The following SSBP4 variants were observed in gnomAD, a reference collection of about 807,000 sequenced individuals.
SSBP4 encodes the protein single stranded DNA binding protein 4, also known as single-stranded DNA-binding protein 4.
A neutral mutation model predicts 64.6 loss-of-function variants in SSBP4; 33 were observed. The ratio of observed to expected loss-of-function variants is 0.51; its 90% confidence interval spans 0.39 to 0.68. The LOEUF (loss-of-function observed/expected upper bound fraction) is 0.68, where lower values mean the gene tolerates loss of function less well. Among genes scored for constraint, SSBP4 ranks in the 30% least tolerant of loss-of-function variants. SSBP4 has a pLI of 0.00. For missense variants in SSBP4, 583 were observed against 566.8 expected, an observed-to-expected ratio of 1.03 and a Z score of -0.29; for synonymous variants, 243 against 224.0, an observed-to-expected ratio of 1.08 and a Z score of -0.76.
intron 1 of SSBP4, among the ~76,000 whole-genome samples, chr19:18,424,610 G>A (rs954625744): frequency 6.6e-6 from 1 of 151,930 alleles, no homozygotes; most frequent in East Asian, 1.9e-4. Context: ...ACATGGGGGT[G>A]GGGGGAGCAG....
the SSBP4 span, among the ~76,000 whole-genome samples, chr19:18,407,093 A>G: frequency 0.013 from 2,018 of 152,028 alleles, 21 homozygotes; most frequent in Middle Eastern, 0.034. Flanking sequence ...CTGAAGTGTT[A>G]GGGGCATGAA....
chr19:18,434,307 G>A lies in SSBP4; in HGVS notation c.*61G>A, dbSNP rs1187818890. The A allele has an allele frequency of 1.3e-6, 2 of 1,596,558 alleles. No homozygotes were observed. The highest frequency in any genetic ancestry group is 3.5e-5 in the Admixed American group (2 of 57,440). On this transcript the variant is annotated 3_prime_UTR_variant, in exon 18 of 18. Coordinates refer to ENST00000270061, the MANE Select transcript of SSBP4 (RefSeq NM_032627.5). ...GCTTCTGCCCAGCGCCCCTGCTCAG[G>A]GCGAGGGGCTGAGGTCACACCTCGG... is the stretch of plus-strand genomic sequence containing the variant.
chr19:18,405,500 A>C, the SSBP4 span, among the ~76,000 whole-genome samples: 1 of 147,242 alleles, frequency 6.8e-6, no homozygotes, highest in African/African-American at 2.5e-5. Flanking sequence ...GTCTCTACAA[A>C]AAAAAAAAAA....
At chr19:18,434,166 C>T (rs1315305728) in intron 17 of SSBP4, 51 bp from the exon 18 acceptor site, 48 of 1,608,572 alleles carry the variant, frequency 3.0e-5, no homozygotes, top group Non-Finnish European at 3.9e-5. Flanking sequence ...GTCCCAGCCT[C>T]TTCCGGAGCT....
the SSBP4 span, among the ~76,000 whole-genome samples, chr19:18,411,881 A>T: frequency 6.6e-6 from 1 of 152,022 alleles, no homozygotes; most frequent in African/African-American, 2.4e-5. Context: ...AGAGAGACTG[A>T]ATCTGGGCAC....
the SSBP4 span, among the ~76,000 whole-genome samples, chr19:18,413,765 G>A: frequency 1.3e-5 from 2 of 151,938 alleles, no homozygotes; most frequent in South Asian, 4.2e-4. Flanking sequence ...ACCTGTAATC[G>A]CAGCACTTTG....
chr19:18,407,507 C>T, the SSBP4 span, among the ~76,000 whole-genome samples: 3 of 152,094 alleles, frequency 2.0e-5, no homozygotes, highest in African/African-American at 4.8e-5. Context: ...AGCTCCGCCC[C>T]CCGGGTTCAC....
At chr19:18,434,102 C>G (rs1425456150) in intron 17 of SSBP4, 115 bp from the exon 18 acceptor site, 29 of 1,491,926 alleles carry the variant, frequency 1.9e-5, no homozygotes, top group African/African-American at 2.9e-5. Flanking sequence ...TGTCCCCACC[C>G]CATGTCTGCC....
chr19:18,404,249 C>T, the SSBP4 span, among the ~76,000 whole-genome samples: 1 of 151,410 alleles, frequency 6.6e-6, no homozygotes, highest in African/African-American at 2.4e-5. Context: ...TCAGAGATCC[C>T]CAGAGACCCT....
intron 4 of SSBP4, 146 bp from the exon 5 acceptor site, chr19:18,430,695 C>T (rs958727318): frequency 6.2e-6 from 4 of 646,090 alleles, no homozygotes; most frequent in African/African-American, 1.9e-5. Flanking sequence ...CACAGATCCT[C>T]AGGCCGACAA....
chr19:18,433,538 G>T, intron 15 of SSBP4, 47 bp from the exon 16 acceptor site: 1 of 1,545,652 alleles, frequency 6.5e-7, no homozygotes. Context: ...CGAGGGGCAT[G>T]GCGCCAGCAC....
rs1431200082 is a variant in SSBP4, at chr19:18,427,259, C to G, written c.60-92C>G. The stretch of plus-strand genomic sequence containing the variant: ...GCTGAGCAGCTGGTGGGGAGGCCAC[C>G]TTTCCACCCGCCCTCCTGAGAGATG... On this transcript the variant is annotated intron_variant, in intron 1 of 17. Coordinates refer to ENST00000270061, the MANE Select transcript of SSBP4 (RefSeq NM_032627.5). This position sits in a 1 kb window ranked among gnomAD's most constrained non-coding sequence, Gnocchi z 4.4. 2 of 1,401,134 alleles carry G rather than the reference C, an allele frequency of 1.4e-6. No individual in the cohort carries two copies. The highest frequency in any genetic ancestry group is 2.0e-6 in the Non-Finnish European group (2 of 1,019,214). 86.8% of individuals were successfully genotyped at this position (1,401,134 alleles called of 1,614,324 possible).
upstream of SSBP4, among the ~76,000 whole-genome samples, chr19:18,414,211 G>C (rs747644532): frequency 6.6e-6 from 1 of 152,148 alleles, no homozygotes; most frequent in African/African-American, 2.4e-5. Context: ...GAGACACCTC[G>C]AGTCTCCCAG....
In SSBP4 at chr19:18,427,967, G is replaced by A. The variant is rs777419521; in HGVS notation, c.264G>A (p.Lys88=). 13 of 1,612,150 alleles carry A rather than the reference G, an allele frequency of 8.1e-6. No homozygotes were observed. In the Admixed American group the frequency reaches 2.2e-4, roughly 27 times the overall value. The part of the protein sequence containing the change: ...REACEHSGEA[K]AFQDYSAAAA... ...CCTGCGAGCACTCCGGCGAGGCCAA[G>A]GCCTTCCAGGACTATGTGAGTCCTG... Residue 88 remains lysine (K), a synonymous_variant, in exon 4 of 18, where the codon AAG becomes AAA. Transcript: ENST00000270061. The surrounding 1 kb of genome is among the most constrained non-coding windows in gnomAD (Gnocchi z 4.4).
At chr19:18,425,637 G>C (rs1334484266) in intron 1 of SSBP4, among the ~76,000 whole-genome samples, 1 of 152,160 alleles carries the variant, frequency 6.6e-6, no homozygotes, top group Non-Finnish European at 1.5e-5. Context: ...GAGCAGGTGT[G>C]GGAGACTGGA....
intron 4 of SSBP4, among the ~76,000 whole-genome samples, chr19:18,429,240 AG>A (rs1178301221): frequency 1.3e-5 from 2 of 148,648 alleles, no homozygotes; most frequent in East Asian, 4.0e-4. Context: ...GAGGCGGGGG[AG>A]GGGGGCGGGG....
chr19:18,431,909 C>A, intron 8 of SSBP4, 47 bp downstream of exon 8: 1 of 1,566,556 alleles, frequency 6.4e-7, no homozygotes. Context: ...ATCAGAATTC[C>A]AGCTCTCAGA....
chr19:18,409,523 T>G, the SSBP4 span, among the ~76,000 whole-genome samples: 2 of 152,068 alleles, frequency 1.3e-5, no homozygotes, highest in East Asian at 3.9e-4. Flanking sequence ...TCTTAATAAA[T>G]TTGATTTCAC....
At chr19:18,431,599 G>A (rs1471158076) in intron 6 of SSBP4, 48 bp from the exon 7 acceptor site, 3 of 1,517,740 alleles carry the variant, frequency 2.0e-6, no homozygotes, top group South Asian at 1.2e-5. Context: ...GGTAGCTTTG[G>A]GGACCAGAGG....
Sources: allele counts gnomAD v4.1 joint callset (sites outside exome capture counted in the v4.1 genomes callset), GRCh38; gene constraint gnomAD v4.1.1; non-coding constraint Gnocchi (gnomAD v3.1); transcripts MANE v1.5; gene names NCBI Gene and HGNC (gene_info 2026-07-23, HGNC 2026-07-21).